The following ZNF7 variants were observed in gnomAD, a reference collection of about 807,000 sequenced individuals.
The protein encoded by ZNF7 is C2-H2 type zinc finger protein.
ZNF7 carries 10 observed loss-of-function variants against 12.0 expected under a neutral mutation model. That is an observed-to-expected ratio of 0.83 (90% CI 0.51 to 1.42). ZNF7 has a LOEUF of 1.42. ZNF7 is among the 40% of genes most tolerant of loss of function. ZNF7 has a pLI of 0.00. For missense variants in ZNF7, 854 were observed against 837.2 expected (o/e 1.02, Z -0.25); for synonymous variants, 334 against 295.0 (o/e 1.13, Z -1.35).
Position 144,841,380 on chromosome 8 carries a change from G to A in ZNF7, c.273G>A (p.Glu91=), listed in dbSNP as rs779492793. The change falls in exon 5 of 5, where the codon GAG becomes GAA. Residue 91 remains glutamate, a synonymous_variant. Coordinates refer to ENST00000532777, the MANE Select transcript of ZNF7 (RefSeq NM_003416.4). ...KTDSTIRTEN[E]QACEDMDILK... is the part of the protein sequence containing the mutation. ...ATTCTACGATTAGGACTGAAAATGA[G>A]CAGGCCTGTGAGGACATGGACATCC... is the stretch of plus-strand genomic sequence containing the variant. The A allele has an allele frequency of 1.9e-6, 3 of 1,607,568 alleles. No individual in the cohort carries two copies. The highest frequency in any genetic ancestry group is 2.6e-6 in the Non-Finnish European group (3 of 1,174,814).
At chr8:144,830,875 A>G in intron 3 of ZNF7, 1 of 455,386 alleles carries the variant, frequency 2.2e-6, no homozygotes, top group Non-Finnish European at 4.4e-6. Context: ...CTGGGATTAC[A>G]GGTGTGAGCC....
Position 144,841,332 on chromosome 8 carries a change from G to A in ZNF7, c.248-23G>A, listed in dbSNP as rs189706897. ...TCTCTGAGCACAGGGCCTAAGGAAC[G>A]TCTTTGTTCCTGTTTATTTCAGATT... On this transcript the variant is annotated intron_variant, in intron 4 of 4. Transcript: ENST00000532777. The A allele has an allele frequency of 4.0e-5, 64 of 1,581,820 alleles. No individual in the cohort carries two copies. The Admixed American group carries it at 1.0e-3, about 25-fold the overall frequency.
rs1312038775 is a variant in ZNF7, at chr8:144,842,775, T to C, written c.1668T>C (p.Asn556=). The change falls in exon 5 of 5, where the codon AAT becomes AAC. Residue 556 remains asparagine (N), a synonymous_variant. Coordinates refer to ENST00000532777, the MANE Select transcript of ZNF7 (RefSeq NM_003416.4). ...VHTGERPYKC[N]ECGKAFSQNS... ...CTGGAGAGAGGCCCTATAAATGTAA[T>C]GAATGTGGGAAAGCCTTCAGTCAAA... The C allele has an allele frequency of 1.2e-6, 2 of 1,614,210 alleles. No individual in the cohort carries two copies. The highest frequency in any genetic ancestry group is 2.2e-5 in the East Asian group (1 of 44,884).
At chr8:144,839,424 G>C (rs1829559845) in intron 4 of ZNF7, among the ~76,000 whole-genome samples, 2 of 152,240 alleles carry the variant, frequency 1.3e-5, no homozygotes, top group African/African-American at 4.8e-5. Flanking sequence ...AGGAGGTTCA[G>C]CTATAAGGTG....
At chr8:144,840,098 C>T (rs1829680857) in intron 4 of ZNF7, among the ~76,000 whole-genome samples, 2 of 152,202 alleles carry the variant, frequency 1.3e-5, no homozygotes. Flanking sequence ...CTGCACCTGG[C>T]CACCCTGCTC....
chr8:144,843,480 C>T lies in ZNF7; in HGVS notation c.*312C>T, dbSNP rs4925846. On this transcript the variant is annotated 3_prime_UTR_variant, in exon 5 of 5. Coordinates refer to ENST00000532777, the MANE Select transcript of ZNF7 (RefSeq NM_003416.4). The stretch of plus-strand genomic sequence containing the variant: ...GCAGGCACCTGTGGTCCCAGCTGCT[C>T]GGGAGGCTGAGGCAGGAGAATGGCA... 0.23 allele frequency: 43,776 copies of T among 189,010 alleles called. 7,376 individuals are homozygous for T. The highest frequency in any genetic ancestry group is 0.51 in the African/African-American group (21,705 of 42,212). The allele number at this position is 189,010 out of a possible 1,614,324, so 11.7% of individuals were successfully genotyped here.
chr8:144,829,595 G>T lies in ZNF7; in HGVS notation c.121G>T (p.Ala41Ser). The change falls in exon 3 of 5, where the codon GCT becomes TCT. Residue 41 changes from alanine to serine, a missense_variant. Transcript: ENST00000532777. ...GATGCTGGAGAACCACAGCAGTGTG[G>T]CTGGACTAGGTGAGGCTGCACCTTG... Reference protein sequence around the residue: ...EVMLENHSSVAGLAGFLVFKP... With the variant: ...EVMLENHSSVSGLAGFLVFKP... 9.3e-6 allele frequency: 15 copies of T among 1,610,936 alleles called. No homozygotes were observed. The highest frequency in any genetic ancestry group is 1.3e-5 in the Non-Finnish European group (15 of 1,177,664).
At chr8:144,839,304 G>T (rs1352211390) in intron 4 of ZNF7, among the ~76,000 whole-genome samples, 1 of 152,266 alleles carries the variant, frequency 6.6e-6, no homozygotes, top group East Asian at 1.9e-4. Flanking sequence ...GGGCCTTGCA[G>T]CCGCCCAGGA....
rs1344300668 is a variant in ZNF7, at chr8:144,843,387, A to G, written c.*219A>G. 4.1e-6 allele frequency: 2 copies of G among 488,254 alleles called. No homozygotes were observed. The highest frequency in any genetic ancestry group is 3.5e-5 in the East Asian group (1 of 28,644). The allele number at this position is 488,254 out of a possible 1,614,324, so 30.2% of individuals were successfully genotyped here. A position where few individuals can be genotyped will look rare whatever the true frequency, so the allele number is the denominator to read the frequency against. ...GGCACATCACGAGGTCAGGAGGTTGAGACCATCCTGGGTAACAGGTGAAAC... is the reference window on the plus strand; with the variant it reads ...GGCACATCACGAGGTCAGGAGGTTGGGACCATCCTGGGTAACAGGTGAAAC... On this transcript the variant is annotated 3_prime_UTR_variant, in exon 5 of 5. Transcript: ENST00000532777.
At chr8:144,844,659 A>C (rs1830393211), downstream of ZNF7, among the ~76,000 whole-genome samples, 1 of 149,396 alleles carries the variant, frequency 6.7e-6, no homozygotes, top group Admixed American at 6.7e-5. Flanking sequence ...CAGTGAGCCA[A>C]GATCACGCCA....
chr8:144,838,840 G>A (rs1829426122), intron 4 of ZNF7: 1 of 151,908 alleles, frequency 6.6e-6, no homozygotes, highest in Non-Finnish European at 1.5e-5. Flanking sequence ...TACTCGGGAG[G>A]CCGAGGCAGG....
chr8:144,827,696 T>C (rs1271589154), intron 1 of ZNF7, 87 bp downstream of exon 1: 1 of 983,348 alleles, frequency 1.0e-6, no homozygotes, highest in Non-Finnish European at 1.2e-6. Context: ...CCTTCGGCAT[T>C]GGGGTCCCCG....
chr8:144,838,113 GTT>G (rs1290058161), intron 4 of ZNF7: 2 of 703,012 alleles, frequency 2.8e-6, no homozygotes, highest in South Asian at 3.0e-5. Context: ...GCAGCTGGTG[GTT>G]TTCTGGCAGT....
chr8:144,828,243 G>C (rs1735425), intron 1 of ZNF7, among the ~76,000 whole-genome samples: 43,912 of 152,088 alleles, frequency 0.29, 7,258 homozygotes, highest in South Asian at 0.45. Flanking sequence ...TGCCTGGGCA[G>C]GTAGAGGGTC....
At chr8:144,838,097 C>T (rs1192226972) in intron 4 of ZNF7, 1 of 702,898 alleles carries the variant, frequency 1.4e-6, no homozygotes, top group Non-Finnish European at 2.6e-6. Flanking sequence ...TGTCCTGCCT[C>T]TCCGGGCAGC....
At chr8:144,845,882 G>A (rs1830485365), downstream of ZNF7, 2 of 1,247,610 alleles carry the variant, frequency 1.6e-6, no homozygotes, top group Non-Finnish European at 2.2e-6. Flanking sequence ...CTTGCGTCAC[G>A]TGGCTGCTGA....
intron 1 of ZNF7, chr8:144,828,819 GGAGT>G (rs1828101127): frequency 1.0e-5 from 6 of 592,426 alleles, no homozygotes; most frequent in Admixed American, 3.0e-5. Context: ...ACGGCTTTGT[GGAGT>G]GAGTCACACA....
chr8:144,845,874 T>C, downstream of ZNF7: 1 of 1,138,176 alleles, frequency 8.8e-7, no homozygotes, highest in Non-Finnish European at 1.2e-6. Context: ...GTCCCTGCCT[T>C]GCGTCACGTG....
rs879801822 is a variant in ZNF7, at chr8:144,842,788, G to A, written c.1681G>A (p.Ala561Thr). 1 of 1,614,204 alleles carries A rather than the reference G, an allele frequency of 6.2e-7. No homozygotes were observed. The highest frequency in any genetic ancestry group is 1.7e-5 in the Admixed American group (1 of 60,028). The change falls in exon 5 of 5, where the codon GCC becomes ACC. Residue 561 changes from alanine to threonine, a missense_variant. Physicochemically the swap from Ala to Thr is moderately conservative, Grantham distance 58. Coordinates refer to ENST00000532777, the MANE Select transcript of ZNF7 (RefSeq NM_003416.4). ...RPYKCNECGK[A>T]FSQNSTLFQH... ...CTATAAATGTAATGAATGTGGGAAA[G>A]CCTTCAGTCAAAACTCAACCCTTTT...
Sources: gnomAD v4.1 joint callset for allele counts (sites outside exome capture counted in the v4.1 genomes callset) on GRCh38, gnomAD v4.1.1 for gene constraint, MANE v1.5 for transcripts, NCBI Gene and HGNC (gene_info 2026-07-23, HGNC 2026-07-21) for gene names.